GRM7: variants seen among roughly 807,000 people sequenced by gnomAD.
GRM7 encodes the protein metabotropic glutamate receptor 7.
In GRM7, 35 loss-of-function variants were observed where a neutral mutation model predicts 84.5. That is an observed-to-expected ratio of 0.41 (90% CI 0.32 to 0.55). The LOEUF (loss-of-function observed/expected upper bound fraction) is 0.55, where lower values mean the gene tolerates loss of function less well. GRM7 is among the 20% of genes least tolerant of loss of function. The pLI, the probability that GRM7 is intolerant of heterozygous loss-of-function variation, is 0.19. For synonymous variants in GRM7, 487 were observed against 455.1 expected (o/e 1.07, Z -0.89); for missense variants, 1,003 against 1,194.6 (o/e 0.84, Z 2.36).
chr3:7,504,824 C>T (rs1196519478), intron 7 of GRM7, among the ~76,000 whole-genome samples: 1 of 152,130 alleles, frequency 6.6e-6, no homozygotes, highest in African/African-American at 2.4e-5. Flanking sequence ...CTCTAGCCCC[C>T]AAAATTAATG....
chr3:7,126,551 C>G (rs533913842), intron 1 of GRM7, among the ~76,000 whole-genome samples: 1 of 152,152 alleles, frequency 6.6e-6, no homozygotes, highest in Admixed American at 6.5e-5. Context: ...TTTTGCTTCT[C>G]ATTTTGTTGT....
intron 1 of GRM7, among the ~76,000 whole-genome samples, chr3:6,910,041 G>A (rs1228235511): frequency 1.3e-5 from 2 of 151,976 alleles, no homozygotes; most frequent in African/African-American, 2.4e-5. Context: ...TAAGATACAT[G>A]ATGTCAGCTT....
At chr3:7,018,785 A>G (rs1467955472) in intron 1 of GRM7, among the ~76,000 whole-genome samples, 1 of 152,236 alleles carries the variant, frequency 6.6e-6, no homozygotes, top group Non-Finnish European at 1.5e-5. Context: ...CTAGGAAGTT[A>G]ATAGCGTTGC....
chr3:7,106,289 T>C (rs1045362117), intron 1 of GRM7, among the ~76,000 whole-genome samples: 2 of 151,760 alleles, frequency 1.3e-5, no homozygotes, highest in Non-Finnish European at 2.9e-5. Context: ...TTTTTTATTA[T>C]ACTTTAAGTT....
intron 1 of GRM7, among the ~76,000 whole-genome samples, chr3:7,050,410 A>C (rs995202275): frequency 1.3e-5 from 2 of 151,922 alleles, no homozygotes; most frequent in Non-Finnish European, 2.9e-5. Context: ...TCAAAGTCAT[A>C]AGCTTCGTAG....
intron 2 of GRM7, among the ~76,000 whole-genome samples, chr3:7,167,368 G>T (rs1482164491): frequency 1.3e-5 from 2 of 152,146 alleles, no homozygotes; most frequent in Non-Finnish European, 2.9e-5. Flanking sequence ...TAGATTGACA[G>T]TCAACCTGGG....
At chr3:7,148,713 TATG>T (rs1457131356) in intron 2 of GRM7, among the ~76,000 whole-genome samples, 2 of 152,206 alleles carry the variant, frequency 1.3e-5, no homozygotes, top group Non-Finnish European at 2.9e-5. Flanking sequence ...GCTCTTATAA[TATG>T]ATCTGAACTC....
chr3:7,309,534 G>A (rs1700317806), intron 4 of GRM7, among the ~76,000 whole-genome samples: 1 of 152,110 alleles, frequency 6.6e-6, no homozygotes, highest in South Asian at 2.1e-4. Flanking sequence ...AGATGGAAGG[G>A]AAAAGCCAAT....
chr3:7,178,019 G>T (rs1436176884), intron 2 of GRM7, among the ~76,000 whole-genome samples: 1 of 152,108 alleles, frequency 6.6e-6, no homozygotes, highest in Non-Finnish European at 1.5e-5. Flanking sequence ...CTTTTGCTCA[G>T]ATTTGTTGAT....
intron 4 of GRM7, among the ~76,000 whole-genome samples, chr3:7,388,212 G>A (rs1694860162): frequency 2.0e-5 from 3 of 152,162 alleles, no homozygotes; most frequent in African/African-American, 7.2e-5. Context: ...GGTTTTCTAG[G>A]CATAGAATCA....
intron 2 of GRM7, among the ~76,000 whole-genome samples, chr3:7,208,850 G>T (rs73126269): frequency 6.6e-6 from 1 of 152,044 alleles, no homozygotes; most frequent in Non-Finnish European, 1.5e-5. Flanking sequence ...TTCCCAAGAG[G>T]GTATAATAGA....
chr3:7,729,924 G>C (rs1012783905), intron 9 of GRM7, among the ~76,000 whole-genome samples: 7 of 143,980 alleles, frequency 4.9e-5, no homozygotes, highest in African/African-American at 7.9e-5. Flanking sequence ...GCCCAGGCTG[G>C]AGTACAGTGG....
rs1051571647 is a variant in GRM7, at chr3:7,257,083, T to C, written c.737-41601T>C. Among the ~76,000 whole-genome samples, 12 of 152,036 alleles carry C rather than the reference T, an allele frequency of 7.9e-5. No individual in the cohort carries two copies. The East Asian group carries it at 1.5e-3, about 20-fold the overall frequency. ...CCTCCAATTTTAAGGTTCAGTACAC[T>C]CACTAAAATAGGTCAACCCTTAGTT... On this transcript the variant is annotated intron_variant, in intron 2 of 9. Transcript: ENST00000357716.
At chr3:7,284,075 T>C (rs757609459) in intron 2 of GRM7, among the ~76,000 whole-genome samples, 1 of 152,194 alleles carries the variant, frequency 6.6e-6, no homozygotes, top group East Asian at 1.9e-4. Flanking sequence ...TTTGTCTCAA[T>C]TGCAGCCTAA....
intron 1 of GRM7, among the ~76,000 whole-genome samples, chr3:6,955,823 C>T (rs1408943003): frequency 2.2e-5 from 3 of 139,106 alleles, no homozygotes; most frequent in Middle Eastern, 3.7e-3. Context: ...GATTGGACGA[C>T]ACAGTGAGAC....
intron 9 of GRM7, among the ~76,000 whole-genome samples, chr3:7,726,652 T>C (rs1419315460): frequency 9.1e-6 from 1 of 110,326 alleles, no homozygotes; most frequent in Non-Finnish European, 1.8e-5. Context: ...TATATATATA[T>C]ATATATATAT....
Position 6,948,110 on chromosome 3 carries a change from T to C in GRM7, c.519+86203T>C, listed in dbSNP as rs113577345. 1.4e-3 allele frequency among the ~76,000 whole-genome samples: 206 copies of C among 152,316 alleles called. 1 individual carries two copies. The highest frequency in any genetic ancestry group is 4.9e-3 in the African/African-American group (203 of 41,570). ...TGCCTTCTTGTAGCCTTTGAATGTG[T>C]TTGCTGTTGCTTCTCTAGTTCTTTT... is the stretch of plus-strand genomic sequence containing the variant. On this transcript the variant is annotated intron_variant, in intron 1 of 9. Transcript: ENST00000357716.
Position 6,970,622 on chromosome 3 carries a change from TAA to T in GRM7, c.519+108716_519+108717del, listed in dbSNP as rs201570206. Reference sequence around the variant, plus strand: ...GACGTTATCTCTTAGGCTGGTGTGTTAAGACTTGACTGTATGAGAGGGAAAAC... The same window carrying T: ...GACGTTATCTCTTAGGCTGGTGTGTTGACTTGACTGTATGAGAGGGAAAAC... On this transcript the variant is annotated intron_variant, in intron 1 of 9. Coordinates refer to ENST00000357716, the MANE Select transcript of GRM7 (RefSeq NM_000844.4). Among the ~76,000 whole-genome samples the T allele has an allele frequency of 5.2e-3, 792 of 152,154 alleles. 27 individuals carry two copies. Among genetic ancestry groups the T allele is most frequent in the Admixed American group, 0.041 (631 of 15,280 alleles).
intron 1 of GRM7, among the ~76,000 whole-genome samples, chr3:7,117,976 A>G (rs1028786084): frequency 6.6e-6 from 1 of 152,190 alleles, no homozygotes; most frequent in Non-Finnish European, 1.5e-5. Flanking sequence ...GGGGCCTTGT[A>G]GAAAATTATT....
Sources: allele counts gnomAD v4.1 joint callset (sites outside exome capture counted in the v4.1 genomes callset), GRCh38; gene constraint gnomAD v4.1.1; transcripts MANE v1.5; gene names NCBI Gene and HGNC (gene_info 2026-07-23, HGNC 2026-07-21).